Variants in LRRC53 observed in about 807,000 individuals in gnomAD.
LRRC53 encodes leucine-rich repeat-containing protein 53.
A neutral mutation model predicts 13.6 loss-of-function variants in LRRC53; 25 were observed. The observed-to-expected ratio is 1.83, with a 90% CI of 1.34 to 2.56. The LOEUF is 2.56. Ranked by LOEUF, LRRC53 falls within the 30% of genes most tolerant of loss-of-function variation. The pLI is 0.00. For synonymous variants in LRRC53, 204 were observed against 109.8 expected, an observed-to-expected ratio of 1.86 and a Z score of -5.37; for missense variants, 527 against 275.8, an observed-to-expected ratio of 1.91 and a Z score of -6.45.
At chr1:74,520,264 C>T in the LRRC53 span, among the ~76,000 whole-genome samples, 2 of 152,090 alleles carry the variant, frequency 1.3e-5, no homozygotes, top group African/African-American at 2.4e-5. Context: ...ATTGACTCAA[C>T]TGGAATCTTG....
intron 3 of LRRC53, among the ~76,000 whole-genome samples, chr1:74,479,902 A>G (rs1042780294): frequency 4.6e-5 from 7 of 152,252 alleles, no homozygotes; most frequent in South Asian, 2.1e-4. Flanking sequence ...AAGGTCACCA[A>G]TGCTATTTAT....
chr1:74,496,414 A>C (rs969972408), intron 1 of LRRC53, among the ~76,000 whole-genome samples: 9 of 152,178 alleles, frequency 5.9e-5, no homozygotes, highest in Non-Finnish European at 8.8e-5. Flanking sequence ...TTAGTATAGC[A>C]TTATGATTTT....
rs760426750 is a variant in LRRC53, at chr1:74,480,776, G to T, written c.281C>A (p.Ser94Tyr). ...GGTGTGATCAGTGAGCGAAGAGCTG[G>T]ATATTTGGTTGTGCTCCAGCAACAA... is the stretch of plus-strand genomic sequence containing the variant. ...RTLLLEHNQI[S>Y]SSSLTDHTFS... is the part of the protein sequence containing the mutation. The change falls in exon 3 of 5, where the codon TCC (serine) becomes TAC (tyrosine). Residue 94 changes from serine (S) to tyrosine (Y), a missense_variant. Ser to Tyr is a moderately radical substitution (Grantham distance 144). Coordinates refer to ENST00000294635, the MANE Select transcript of LRRC53 (RefSeq NM_001382280.1). The T allele has an allele frequency of 2.0e-5, 14 of 717,420 alleles. No individual in the cohort carries two copies. The highest frequency in any genetic ancestry group is 2.3e-4 in the Middle Eastern group (1 of 4,392). The allele number at this position is 717,420 out of a possible 1,614,324, so 44.4% of individuals were successfully genotyped here. A position where few individuals can be genotyped will look rare whatever the true frequency, so the allele number is the denominator to read the frequency against.
intron 1 of LRRC53, among the ~76,000 whole-genome samples, chr1:74,483,645 A>T (rs1175863278): frequency 6.6e-6 from 1 of 152,246 alleles, no homozygotes; most frequent in Non-Finnish European, 1.5e-5. Context: ...TTGCAAAACA[A>T]TGTATAGTTT....
At chr1:74,485,257 C>T (rs1204304167) in intron 1 of LRRC53, among the ~76,000 whole-genome samples, 1 of 152,198 alleles carries the variant, frequency 6.6e-6, no homozygotes, top group Non-Finnish European at 1.5e-5. Flanking sequence ...CAGTGAATTT[C>T]CATGGGCAGA....
chr1:74,485,500 T>C (rs1668711198), intron 1 of LRRC53, among the ~76,000 whole-genome samples: 1 of 152,196 alleles, frequency 6.6e-6, no homozygotes, highest in African/African-American at 2.4e-5. Context: ...TAAGCAGGAT[T>C]CTAACATGAC....
intron 1 of LRRC53, among the ~76,000 whole-genome samples, chr1:74,503,204 G>A (rs1470756095): frequency 6.6e-6 from 1 of 152,074 alleles, no homozygotes; most frequent in Non-Finnish European, 1.5e-5. Flanking sequence ...GTTTTTCAGG[G>A]CCAGAAATGA....
chr1:74,508,842 A>C (rs927169846), intron 1 of LRRC53, among the ~76,000 whole-genome samples: 1 of 152,172 alleles, frequency 6.6e-6, no homozygotes, highest in Admixed American at 6.5e-5. Context: ...AACAGTGTAA[A>C]CTTGGGCCTC....
intron 1 of LRRC53, among the ~76,000 whole-genome samples, chr1:74,510,042 A>G (rs1355068428): frequency 6.6e-6 from 1 of 151,932 alleles, no homozygotes; most frequent in Non-Finnish European, 1.5e-5. Context: ...TTGAATTTCA[A>G]TGTCACAGAT....
Position 74,469,884 on chromosome 1 carries a change from T to G in LRRC53, c.3738A>C (p.Thr1246=), listed in dbSNP as rs1471277884. ...TTGAGTTATTTTGTTCACTTTATTC[T>G]GTTTCTAAAGGTGATGTAGTAGCAT... is the stretch of plus-strand genomic sequence containing the variant. ...AEYATTSPLE[T]E is the part of the protein sequence containing the mutation. Residue 1246 remains threonine (T), a synonymous_variant, in exon 5 of 5, where the codon ACA becomes ACC. Coordinates refer to ENST00000294635, the MANE Select transcript of LRRC53 (RefSeq NM_001382280.1). 5 of 400,584 alleles carry G rather than the reference T, an allele frequency of 1.2e-5. No homozygotes were observed. In the South Asian group the frequency reaches 3.8e-4, roughly 30 times the overall value. 24.8% of individuals were successfully genotyped at this position (400,584 alleles called of 1,614,324 possible). A position where few individuals can be genotyped will look rare whatever the true frequency, so the allele number is the denominator to read the frequency against.
the LRRC53 span, among the ~76,000 whole-genome samples, chr1:74,530,265 G>A: frequency 1.3e-5 from 2 of 152,174 alleles, no homozygotes; most frequent in Non-Finnish European, 2.9e-5. Context: ...GAGAGATAGG[G>A]ATATAGCCAT....
the LRRC53 span, among the ~76,000 whole-genome samples, chr1:74,527,623 A>T: frequency 5.7e-4 from 87 of 152,328 alleles, no homozygotes; most frequent in African/African-American, 1.8e-3. Flanking sequence ...AGGCCAGGTC[A>T]TGAGGGCTTT....
the LRRC53 span, among the ~76,000 whole-genome samples, chr1:74,534,618 C>T: frequency 1.3e-5 from 2 of 152,254 alleles, no homozygotes; most frequent in South Asian, 2.1e-4. Flanking sequence ...CATTATTTTT[C>T]GTATTTCTTC....
rs36063099 is a variant in LRRC53, at chr1:74,490,050, T to TAA, written c.-26-6677_-26-6676dup. ...TCAAGAAAAGCAGGATTTTTTTTTC[T>TAA]AAAAAAAAAAAAAAAAAAAAAAAAA... On this transcript the variant is annotated intron_variant, in intron 1 of 4. Coordinates refer to ENST00000294635, the MANE Select transcript of LRRC53 (RefSeq NM_001382280.1). Among the ~76,000 whole-genome samples the TAA allele has an allele frequency of 1.7e-3, 75 of 42,866 alleles. 1 individual carries two copies. The highest frequency in any genetic ancestry group is 0.014 in the Middle Eastern group (1 of 72). The allele number at this position is 42,866 out of a possible 152,430, so 28.1% of individuals were successfully genotyped here.
chr1:74,471,165 C>T lies in LRRC53; in HGVS notation c.2457G>A (p.Gln819=), dbSNP rs2100736930. Residue 819 remains glutamine, a synonymous_variant, in exon 5 of 5, where the codon CAG becomes CAA. Coordinates refer to ENST00000294635, the MANE Select transcript of LRRC53 (RefSeq NM_001382280.1). ...AGTAACAGCTGCTTTCTATAGAGCT[C>T]TGGTTGACTACACGCAAGTTGTTAG... ...LSANNLRVVN[Q]SSIESSCYSA... The T allele has an allele frequency of 2.5e-6, 1 of 400,634 alleles. No individual in the cohort carries two copies. Among genetic ancestry groups the T allele is most frequent in the East Asian group, 3.6e-5 (1 of 28,076 alleles). 24.8% of individuals were successfully genotyped at this position (400,634 alleles called of 1,614,324 possible).
At chr1:74,496,427 A>T (rs1161932703) in intron 1 of LRRC53, among the ~76,000 whole-genome samples, 2 of 152,178 alleles carry the variant, frequency 1.3e-5, no homozygotes, top group African/African-American at 2.4e-5. Flanking sequence ...ATGATTTTGA[A>T]AAATCAGTAC....
chr1:74,492,283 G>A lies in LRRC53; in HGVS notation c.-26-8908C>T, dbSNP rs1570695564. ...GTCCCAAAGGTGAGTGGTAATATAAGCAAATCTCACAGTAAAGTCTTATTT... is the reference window on the plus strand; with the variant it reads ...GTCCCAAAGGTGAGTGGTAATATAAACAAATCTCACAGTAAAGTCTTATTT... On this transcript the variant is annotated intron_variant, in intron 1 of 4. Coordinates refer to ENST00000294635, the MANE Select transcript of LRRC53 (RefSeq NM_001382280.1). 2.0e-6 allele frequency: 3 copies of A among 1,477,560 alleles called. No homozygotes were observed. Among genetic ancestry groups the A allele is most frequent in the Non-Finnish European group, 2.7e-6 (3 of 1,095,986 alleles). 91.5% of individuals were successfully genotyped at this position (1,477,560 alleles called of 1,614,324 possible).
chr1:74,493,243 C>T (rs1160139075), intron 1 of LRRC53, among the ~76,000 whole-genome samples: 2 of 152,084 alleles, frequency 1.3e-5, no homozygotes, highest in Admixed American at 6.5e-5. Context: ...TTAATTGTCT[C>T]CCAGTTTTAT....
At chr1:74,530,537 C>A in the LRRC53 span, among the ~76,000 whole-genome samples, 2 of 152,028 alleles carry the variant, frequency 1.3e-5, no homozygotes, top group Non-Finnish European at 2.9e-5. Context: ...TAAAAATCAT[C>A]AAATAGAACT....
Sources: allele counts gnomAD v4.1 joint callset (sites outside exome capture counted in the v4.1 genomes callset), GRCh38; gene constraint gnomAD v4.1.1; transcripts MANE v1.5; gene names NCBI Gene and HGNC (gene_info 2026-07-23, HGNC 2026-07-21).